Variants in NEK6 observed in about 807,000 individuals in gnomAD.
The protein encoded by NEK6 is serine/threonine-protein kinase Nek6.
NEK6 carries 27 observed loss-of-function variants against 43.5 expected under a neutral mutation model. The ratio of observed to expected loss-of-function variants is 0.62; its 90% CI spans 0.46 to 0.86. The LOEUF is 0.86. Ranked by LOEUF, NEK6 falls within the 40% of genes least tolerant of loss-of-function variation. The pLI is 0.00. For missense variants in NEK6, 318 were observed against 414.4 expected (o/e 0.77, Z 2.02); for synonymous variants, 167 against 164.1 (o/e 1.02, Z -0.14).
chr9:124,300,692 G>A (rs972211818), intron 1 of NEK6, among the ~76,000 whole-genome samples: 10 of 152,148 alleles, frequency 6.6e-5, no homozygotes, highest in Admixed American at 5.2e-4. Context: ...CCCGCTGACC[G>A]CGCCGGGGGC....
chr9:124,266,412 A>G (rs1002633138), intron 1 of NEK6, among the ~76,000 whole-genome samples: 3 of 152,172 alleles, frequency 2.0e-5, no homozygotes, highest in Non-Finnish European at 4.4e-5. Flanking sequence ...CACCCACAGC[A>G]TGGGGGTCTG....
chr9:124,351,071 A>C lies in NEK6; in HGVS notation c.*124A>C. On this transcript the variant is annotated 3_prime_UTR_variant, in exon 10 of 10. Coordinates refer to ENST00000320246, the MANE Select transcript of NEK6 (RefSeq NM_014397.6). ...CCACAGGGTTCAGCAGGTTCCCCAA[A>C]AGGCTGCCCAGCCTTACAGCAGATG... 1.1e-5 allele frequency: 7 copies of C among 633,860 alleles called. No individual in the cohort carries two copies. Among genetic ancestry groups the C allele is most frequent in the East Asian group, 2.9e-5 (1 of 34,858 alleles). 39.3% of individuals were successfully genotyped at this position (633,860 alleles called of 1,614,324 possible). A position where few individuals can be genotyped will look rare whatever the true frequency, so the allele number is the denominator to read the frequency against.
intron 1 of NEK6, among the ~76,000 whole-genome samples, chr9:124,298,924 A>G (rs979244926): frequency 2.0e-5 from 3 of 152,168 alleles, no homozygotes; most frequent in South Asian, 2.1e-4. Flanking sequence ...TCCCCCTTGC[A>G]CTGCTCCTGG....
At chr9:124,311,394 G>A (rs985892467) in intron 2 of NEK6, among the ~76,000 whole-genome samples, 3 of 152,100 alleles carry the variant, frequency 2.0e-5, no homozygotes, top group Non-Finnish European at 2.9e-5. Context: ...AGACACAGCC[G>A]GGCCCATCTC....
At chr9:124,263,059 G>A (rs1421091845) in intron 1 of NEK6, 1 of 152,164 alleles carries the variant, frequency 6.6e-6, no homozygotes, top group African/African-American at 2.4e-5. Flanking sequence ...GCCCCTTCTC[G>A]AATGCCTGCC....
At chr9:124,342,823 AAC>A (rs752799757) in intron 8 of NEK6, among the ~76,000 whole-genome samples, 6 of 138,644 alleles carry the variant, frequency 4.3e-5, no homozygotes, top group East Asian at 8.3e-4. Context: ...TCCACACATA[AAC>A]ACACACACAG....
At chr9:124,270,365 G>C (rs1409185876) in intron 1 of NEK6, among the ~76,000 whole-genome samples, 1 of 152,130 alleles carries the variant, frequency 6.6e-6, no homozygotes, top group Non-Finnish European at 1.5e-5. Context: ...TAGACCTAGT[G>C]GTGTCTTCCC....
chr9:124,353,301 C>G lies in NEK6; in HGVS notation c.*2354C>G. 2.5e-6 allele frequency: 1 copy of G among 404,776 alleles called. No individual in the cohort carries two copies. The highest frequency in any genetic ancestry group is 3.7e-5 in the South Asian group (1 of 26,698). The allele number at this position is 404,776 out of a possible 1,614,324, so 25.1% of individuals were successfully genotyped here. A position where few individuals can be genotyped will look rare whatever the true frequency, so the allele number is the denominator to read the frequency against. The stretch of plus-strand genomic sequence containing the variant: ...GCCTCAAGGGAGTCCACTCTGACTT[C>G]TGACAGCAGACAGAACCTATCTGTC... On this transcript the variant is annotated 3_prime_UTR_variant, in exon 10 of 10. Coordinates refer to ENST00000320246, the MANE Select transcript of NEK6 (RefSeq NM_014397.6).
At chr9:124,302,739 C>T (rs1418769735) in intron 2 of NEK6, among the ~76,000 whole-genome samples, 2 of 152,252 alleles carry the variant, frequency 1.3e-5, no homozygotes, top group Non-Finnish European at 2.9e-5. Context: ...TTCCACCCTG[C>T]TCTCTGCTCT....
chr9:124,323,650 G>A (rs984025226), intron 5 of NEK6, among the ~76,000 whole-genome samples: 2 of 152,184 alleles, frequency 1.3e-5, no homozygotes, highest in Non-Finnish European at 2.9e-5. Flanking sequence ...CAGACAGGCA[G>A]ATGGGGGGCT....
chr9:124,295,814 C>T (rs1412381615), intron 1 of NEK6, among the ~76,000 whole-genome samples: 1 of 152,202 alleles, frequency 6.6e-6, no homozygotes, highest in African/African-American at 2.4e-5. Context: ...CGCTGAGTTT[C>T]TTTCTGTAAT....
intron 1 of NEK6, chr9:124,265,841 G>C (rs1831209125): frequency 1.3e-5 from 2 of 152,286 alleles, no homozygotes; most frequent in Admixed American, 1.3e-4. Flanking sequence ...ATTCTTTCAT[G>C]ACGTATGTCC....
intron 7 of NEK6, among the ~76,000 whole-genome samples, chr9:124,330,901 C>G (rs1486915496): frequency 6.6e-6 from 1 of 152,130 alleles, no homozygotes; most frequent in Non-Finnish European, 1.5e-5. Context: ...CACTTCGTTA[C>G]TCTGTAGCCA....
intron 3 of NEK6, among the ~76,000 whole-genome samples, chr9:124,313,305 G>T (rs757988896): frequency 7.2e-5 from 11 of 152,242 alleles, no homozygotes; most frequent in Non-Finnish European, 1.5e-4. Flanking sequence ...GAGAACACCC[G>T]CAGCTTCAGG....
intron 1 of NEK6, among the ~76,000 whole-genome samples, chr9:124,301,349 G>C (rs948866395): frequency 2.6e-5 from 4 of 152,190 alleles, no homozygotes; most frequent in African/African-American, 9.7e-5. Context: ...GGCTGAGGGG[G>C]GCTGTTCCTT....
chr9:124,261,624 C>T (rs1831033894), intron 1 of NEK6: 11 of 972,112 alleles, frequency 1.1e-5, no homozygotes, highest in Non-Finnish European at 1.3e-5. Flanking sequence ...CCCTGCCTGC[C>T]TTTTTTCCCT....
rs757317483 is a variant in NEK6 at position 124,324,601 on chromosome 9, G to A, written c.406-1729G>A. On this transcript the variant is annotated intron_variant, in intron 5 of 9. Coordinates refer to ENST00000320246, the MANE Select transcript of NEK6 (RefSeq NM_014397.6). The surrounding 1 kb of genome is among the most constrained non-coding windows in gnomAD (Gnocchi z 5.3). Reference sequence around the variant, plus strand: ...AATGAGGATTCACTCACATCACAGCGTGAATAACATCCCGGCCTGGCCCGC... The same window carrying A: ...AATGAGGATTCACTCACATCACAGCATGAATAACATCCCGGCCTGGCCCGC... 3.9e-5 allele frequency among the ~76,000 whole-genome samples: 6 copies of A among 152,340 alleles called. No homozygotes were observed. Among genetic ancestry groups the A allele is most frequent in the Middle Eastern group, 3.4e-3 (1 of 294 alleles).
intron 1 of NEK6, among the ~76,000 whole-genome samples, chr9:124,295,699 C>T (rs1832653647): frequency 6.6e-6 from 1 of 152,222 alleles, no homozygotes; most frequent in Non-Finnish European, 1.5e-5. Context: ...TGGGCACCTG[C>T]CTGGCGCATG....
intron 4 of NEK6, among the ~76,000 whole-genome samples, chr9:124,316,044 G>A (rs945809095): frequency 7.9e-5 from 12 of 152,222 alleles, no homozygotes; most frequent in African/African-American, 2.9e-4. Context: ...ACCTCTGCCC[G>A]CCAATGCCAG....
Sources: gnomAD v4.1 joint callset for allele counts (sites outside exome capture counted in the v4.1 genomes callset) on GRCh38, gnomAD v4.1.1 for gene constraint, Gnocchi (gnomAD v3.1) non-coding constraint, MANE v1.5 for transcripts, NCBI Gene and HGNC (gene_info 2026-07-23, HGNC 2026-07-21) for gene names.